C9orf85: variants seen among roughly 807,000 people sequenced by gnomAD.
C9orf85 encodes uncharacterized protein C9orf85.
Under a neutral mutation model 14.9 loss-of-function variants are expected in C9orf85, and 16 were observed. The observed-to-expected ratio is 1.08, with a 90% CI of 0.73 to 1.63. The LOEUF is 1.63. Among genes scored for constraint, C9orf85 ranks in the 40% most tolerant of loss-of-function variants. C9orf85 has a pLI of 0.00. For synonymous variants in C9orf85, 45 were observed against 56.8 expected (o/e 0.79, Z 0.93); for missense variants, 172 against 186.1 (o/e 0.92, Z 0.44).
chr9:71,951,693 T>C (rs2132318201), intron 2 of C9orf85, among the ~76,000 whole-genome samples: 1 of 152,284 alleles, frequency 6.6e-6, no homozygotes, highest in African/African-American at 2.4e-5. Flanking sequence ...TCTTTTTGTA[T>C]AAAGTTTTAT....
downstream of C9orf85, among the ~76,000 whole-genome samples, chr9:71,976,139 G>A (rs1023332270): frequency 6.6e-6 from 1 of 152,122 alleles, no homozygotes; most frequent in Non-Finnish European, 1.5e-5. Flanking sequence ...ATATTTTTAG[G>A]AATTAACCCT....
At chr9:71,950,836 G>A (rs1822225335) in intron 2 of C9orf85, among the ~76,000 whole-genome samples, 2 of 152,106 alleles carry the variant, frequency 1.3e-5, no homozygotes, top group African/African-American at 4.8e-5. Context: ...GGGCATGGTG[G>A]GGCTTTTTAT....
At chr9:71,981,915 A>T (rs1823103847) in intron 3 of C9orf85, among the ~76,000 whole-genome samples, 1 of 152,190 alleles carries the variant, frequency 6.6e-6, no homozygotes, top group African/African-American at 2.4e-5. Flanking sequence ...CATAATTTAC[A>T]TGTGTAAGAC....
chr9:71,964,483 C>T (rs925763333), intron 2 of C9orf85, among the ~76,000 whole-genome samples: 5 of 152,114 alleles, frequency 3.3e-5, no homozygotes, highest in African/African-American at 1.2e-4. Context: ...AGACCACAAG[C>T]CCACCGGGAG....
rs73475979 is a variant in C9orf85 at position 71,970,279 on chromosome 9, G to T, written c.210-1226G>T. On this transcript the variant is annotated intron_variant, in intron 2 of 3. Coordinates refer to ENST00000334731, the MANE Select transcript of C9orf85 (RefSeq NM_182505.5). ...TTCTTTTTTAAAATATGTTGAGGTT[G>T]GTTTCATGGCCCAGAATATGGTCTG... 6.3e-3 allele frequency among the ~76,000 whole-genome samples: 958 copies of T among 152,190 alleles called. 10 individuals are homozygous for T. Among genetic ancestry groups the T allele is most frequent in the African/African-American group, 0.022 (901 of 41,516 alleles).
At chr9:71,932,451 A>G (rs1282833975) in intron 1 of C9orf85, among the ~76,000 whole-genome samples, 1 of 152,114 alleles carries the variant, frequency 6.6e-6, no homozygotes, top group Non-Finnish European at 1.5e-5. Flanking sequence ...CTGATTTTTG[A>G]TATAGTCTTC....
At chr9:71,936,376 G>A (rs898985288) in intron 1 of C9orf85, among the ~76,000 whole-genome samples, 4 of 152,126 alleles carry the variant, frequency 2.6e-5, no homozygotes, top group African/African-American at 7.2e-5. Flanking sequence ...GAAAGTTGAT[G>A]ACTAAAAGAA....
At chr9:71,981,637 G>C (rs1379019194) in intron 3 of C9orf85, among the ~76,000 whole-genome samples, 2 of 152,152 alleles carry the variant, frequency 1.3e-5, no homozygotes, top group African/African-American at 2.4e-5. Context: ...TTTATATGTA[G>C]TAGATGTGAT....
At chr9:71,952,606 G>A (rs978924114) in intron 2 of C9orf85, among the ~76,000 whole-genome samples, 13 of 151,994 alleles carry the variant, frequency 8.6e-5, no homozygotes, top group African/African-American at 3.1e-4. Context: ...CTCGTGATCC[G>A]CCCACCTCAG....
At chr9:71,964,580 C>G (rs1822634960) in intron 2 of C9orf85, among the ~76,000 whole-genome samples, 2 of 152,008 alleles carry the variant, frequency 1.3e-5, no homozygotes, top group South Asian at 2.1e-4. Flanking sequence ...AGCGAGACCA[C>G]GAACCCACCA....
chr9:71,947,145 G>A (rs1362766110), intron 2 of C9orf85, 33 bp downstream of exon 2: 2 of 1,349,674 alleles, frequency 1.5e-6, no homozygotes, highest in Admixed American at 1.8e-5. Flanking sequence ...CTTACTTGGT[G>A]GTATATGTAT....
intron 1 of C9orf85, among the ~76,000 whole-genome samples, chr9:71,919,601 C>T (rs887653776): frequency 2.6e-4 from 40 of 152,098 alleles, no homozygotes; most frequent in Non-Finnish European, 2.5e-4. Context: ...TTTCAAGTGA[C>T]AAGATAATTT....
intron 1 of C9orf85, among the ~76,000 whole-genome samples, chr9:71,920,003 C>A (rs2132252381): frequency 6.6e-6 from 1 of 152,162 alleles, no homozygotes; most frequent in Admixed American, 6.5e-5. Context: ...GTGCACATCA[C>A]CACACCCAGC....
chr9:71,958,954 T>G (rs1400737956), intron 2 of C9orf85, among the ~76,000 whole-genome samples: 1 of 152,178 alleles, frequency 6.6e-6, no homozygotes, highest in Non-Finnish European at 1.5e-5. Flanking sequence ...TGTATGCACA[T>G]TAAGTAAATT....
At chr9:71,941,381 A>T (rs1006869444) in intron 1 of C9orf85, among the ~76,000 whole-genome samples, 1 of 152,236 alleles carries the variant, frequency 6.6e-6, no homozygotes, top group African/African-American at 2.4e-5. Context: ...ACAAGGCAAG[A>T]ACTGGACAGT....
intron 2 of C9orf85, among the ~76,000 whole-genome samples, chr9:71,955,742 C>A (rs1822366058): frequency 6.6e-6 from 1 of 152,138 alleles, no homozygotes; most frequent in Non-Finnish European, 1.5e-5. Context: ...TCAGTAGATT[C>A]CATCTGTAGC....
At chr9:71,946,878 T>A in intron 1 of C9orf85, 128 bp from the exon 2 acceptor site, 1 of 544,358 alleles carries the variant, frequency 1.8e-6, no homozygotes, top group Non-Finnish European at 3.2e-6. Flanking sequence ...ACATAATATA[T>A]CATAAATTGT....
chr9:71,976,345 A>G (rs540966715), downstream of C9orf85, among the ~76,000 whole-genome samples: 94 of 152,350 alleles, frequency 6.2e-4, no homozygotes, highest in African/African-American at 2.1e-3. Flanking sequence ...AGCTCTGATC[A>G]TAAAACTTAT....
At chr9:71,958,658 G>T (rs892780804) in intron 2 of C9orf85, among the ~76,000 whole-genome samples, 2 of 152,084 alleles carry the variant, frequency 1.3e-5, no homozygotes, top group African/African-American at 2.4e-5. Flanking sequence ...TTGCAAAGCT[G>T]TCTTAAGTAG....
Sources: gnomAD v4.1 joint callset for allele counts (sites outside exome capture counted in the v4.1 genomes callset) on GRCh38, gnomAD v4.1.1 for gene constraint, MANE v1.5 for transcripts, NCBI Gene and HGNC (gene_info 2026-07-23, HGNC 2026-07-21) for gene names.